Variants in PRKG1 observed in about 807,000 individuals in gnomAD.
PRKG1 encodes protein kinase cGMP-dependent 1.
A neutral mutation model predicts 88.1 loss-of-function variants in PRKG1; 35 were observed. The observed-to-expected ratio is 0.40, with a 90% confidence interval of 0.30 to 0.53. The LOEUF (loss-of-function observed/expected upper bound fraction) is 0.53. Among genes scored for constraint, PRKG1 ranks in the 20% least tolerant of loss-of-function variants. The pLI is 0.59. For synonymous variants in PRKG1, 303 were observed against 292.5 expected (o/e 1.04, Z -0.37); for missense variants, 540 against 839.8 (o/e 0.64, Z 4.41).
intron 5 of PRKG1, among the ~76,000 whole-genome samples, chr10:51,941,937 C>T (rs1036358116): frequency 2.6e-5 from 4 of 152,046 alleles, no homozygotes; most frequent in South Asian, 2.1e-4. Flanking sequence ...TTTATAGCAG[C>T]GTGATTTATA....
At chr10:51,327,021 T>C (rs1841609700) in intron 2 of PRKG1, among the ~76,000 whole-genome samples, 1 of 152,222 alleles carries the variant, frequency 6.6e-6, no homozygotes, top group Admixed American at 6.5e-5. Context: ...GTATACTGCA[T>C]ATGTGTCTTC....
intron 3 of PRKG1, among the ~76,000 whole-genome samples, chr10:51,748,669 C>T (rs190628830): frequency 6.0e-4 from 92 of 152,224 alleles, no homozygotes; most frequent in Non-Finnish European, 1.1e-3. Context: ...AGCCAAAATA[C>T]GGGTCATGAA....
chr10:51,857,256 A>G (rs1315699225), intron 4 of PRKG1, among the ~76,000 whole-genome samples: 1 of 152,218 alleles, frequency 6.6e-6, no homozygotes, highest in Non-Finnish European at 1.5e-5. Flanking sequence ...TCTTTCTTCT[A>G]ATGGATCGCC....
chr10:51,074,521 A>G lies in PRKG1; in HGVS notation c.-70A>G, dbSNP rs1843894204. 3.9e-6 allele frequency: 6 copies of G among 1,531,596 alleles called. No individual in the cohort carries two copies. The highest frequency in any genetic ancestry group is 2.0e-5 in the Admixed American group (1 of 50,972). 94.9% of individuals were successfully genotyped at this position (1,531,596 alleles called of 1,614,324 possible). On this transcript the variant is annotated 5_prime_UTR_variant, in exon 1 of 18. Coordinates refer to ENST00000373980, the MANE Select transcript of PRKG1 (RefSeq NM_006258.4). ...GCAGCGGCGACTTTGGGGAAAGTTG[A>G]TCGGAGAGGGGAGGAAGCCTCAAGA...
chr10:52,155,930 G>A (rs924813275), intron 8 of PRKG1, among the ~76,000 whole-genome samples: 4 of 151,914 alleles, frequency 2.6e-5, no homozygotes, highest in African/African-American at 9.7e-5. Context: ...AGTAAAAGGA[G>A]ATAATTCCTG....
intron 1 of PRKG1, among the ~76,000 whole-genome samples, chr10:51,005,198 G>T (rs1174674444): frequency 1.3e-5 from 2 of 152,094 alleles, no homozygotes; most frequent in Non-Finnish European, 2.9e-5. Flanking sequence ...CATTTTGGGG[G>T]AGGAGGAAGG....
chr10:52,070,023 A>C (rs1005439309), intron 7 of PRKG1, among the ~76,000 whole-genome samples: 4 of 152,192 alleles, frequency 2.6e-5, no homozygotes, highest in Non-Finnish European at 4.4e-5. Flanking sequence ...CTTGAATAAT[A>C]ATATAATATT....
At chr10:51,234,029 T>C (rs1838915505) in intron 2 of PRKG1, among the ~76,000 whole-genome samples, 1 of 152,148 alleles carries the variant, frequency 6.6e-6, no homozygotes, top group African/African-American at 2.4e-5. Context: ...TCCAAATTCA[T>C]ATGGACCATA....
At chr10:52,289,101 A>G in intron 16 of PRKG1, 108 bp downstream of exon 16, 1 of 1,065,358 alleles carries the variant, frequency 9.4e-7, no homozygotes, top group East Asian at 2.4e-5. Context: ...AGGAACATCC[A>G]AAGACAGCGT....
intron 2 of PRKG1, among the ~76,000 whole-genome samples, chr10:51,354,486 G>T (rs1842322409): frequency 6.6e-6 from 1 of 151,982 alleles, no homozygotes; most frequent in African/African-American, 2.4e-5. Flanking sequence ...ATTCTATTCT[G>T]TATTTTTATC....
intron 10 of PRKG1, among the ~76,000 whole-genome samples, chr10:52,262,451 G>T (rs1384108095): frequency 6.6e-6 from 1 of 151,760 alleles, no homozygotes; most frequent in Admixed American, 6.6e-5. Context: ...TTATATTTTT[G>T]GTAGAGATGA....
chr10:51,040,829 A>T lies in PRKG1; in HGVS notation c.266+49185A>T, dbSNP rs1843411302. Among the ~76,000 whole-genome samples, 4 of 152,156 alleles carry T rather than the reference A, an allele frequency of 2.6e-5. No individual in the cohort carries two copies. The South Asian group carries it at 6.2e-4, about 24-fold the overall frequency. ...TGTATCCTGCGTCTTTACTGAATTT[A>T]TCAGTCCTAATAGTTTTTTGGTGGA... On this transcript the variant is annotated intron_variant, in intron 1 of 17. Transcript: ENST00000401604.
intron 3 of PRKG1, among the ~76,000 whole-genome samples, chr10:51,615,537 G>T (rs912302223): frequency 7.4e-5 from 11 of 149,496 alleles, no homozygotes; most frequent in African/African-American, 2.5e-4. Flanking sequence ...TTTTTTTCTT[G>T]TTATTTCAAA....
chr10:51,327,504 A>C (rs1323340832), intron 2 of PRKG1, among the ~76,000 whole-genome samples: 1 of 152,186 alleles, frequency 6.6e-6, no homozygotes, highest in Admixed American at 6.5e-5. Flanking sequence ...AAAATTAAAG[A>C]ATTAACAGAT....
intron 3 of PRKG1, among the ~76,000 whole-genome samples, chr10:51,559,543 C>T (rs1346224459): frequency 6.6e-6 from 1 of 152,014 alleles, no homozygotes; most frequent in African/African-American, 2.4e-5. Context: ...AGACTTTTTT[C>T]ATAGTTAGCT....
chr10:52,252,378 G>A (rs943209721), intron 10 of PRKG1: 1 of 151,998 alleles, frequency 6.6e-6, no homozygotes, highest in Non-Finnish European at 1.5e-5. Flanking sequence ...AGTGTCACAA[G>A]AATTAGAAAA....
At chr10:51,198,424 T>C (rs1837827926) in intron 2 of PRKG1, among the ~76,000 whole-genome samples, 1 of 152,208 alleles carries the variant, frequency 6.6e-6, no homozygotes, top group Non-Finnish European at 1.5e-5. Context: ...CGAATAAATA[T>C]CCAATGAAAT....
chr10:51,920,529 T>C (rs943188219), intron 5 of PRKG1, among the ~76,000 whole-genome samples: 11 of 152,164 alleles, frequency 7.2e-5, no homozygotes, highest in Non-Finnish European at 1.5e-4. Context: ...GTCTACAGAA[T>C]AGAGATAGTG....
intron 3 of PRKG1, among the ~76,000 whole-genome samples, chr10:51,621,973 A>T (rs1218772443): frequency 6.6e-6 from 1 of 152,204 alleles, no homozygotes; most frequent in African/African-American, 2.4e-5. Context: ...TTTGAAATAC[A>T]ACTTGCCATC....
Sources: allele counts gnomAD v4.1 joint callset (sites outside exome capture counted in the v4.1 genomes callset), GRCh38; gene constraint gnomAD v4.1.1; transcripts MANE v1.5; gene names NCBI Gene and HGNC (gene_info 2026-07-23, HGNC 2026-07-21).